Variants in FBN2 observed in about 807,000 individuals in gnomAD.
FBN2 encodes fibrillin 2.
In FBN2, 105 loss-of-function variants were observed where a neutral mutation model predicts 355.6. That is an observed-to-expected ratio of 0.30 (90% confidence interval 0.25 to 0.35). FBN2 has a LOEUF of 0.35. FBN2 is among the 10% of genes least tolerant of loss of function. The probability of loss-of-function intolerance (pLI) is 1.00; values close to 1 mark genes in which losing one functional copy is unlikely to be tolerated. For missense variants in FBN2, 3,280 were observed against 3,758.7 expected, an observed-to-expected ratio of 0.87 and a Z score of 3.33; for synonymous variants, 1,350 against 1,301.2, an observed-to-expected ratio of 1.04 and a Z score of -0.81.
intron 5 of FBN2, among the ~76,000 whole-genome samples, chr5:128,505,021 T>C (rs1755917990): frequency 6.6e-6 from 1 of 152,206 alleles, no homozygotes; most frequent in African/African-American, 2.4e-5. Context: ...CTGATGGTTT[T>C]ACAAAGGGGT....
intron 23 of FBN2, among the ~76,000 whole-genome samples, chr5:128,348,411 A>C (rs1751245084): frequency 6.6e-6 from 1 of 152,040 alleles, no homozygotes; most frequent in African/African-American, 2.4e-5. Flanking sequence ...ATTTTGTATG[A>C]TTTTACAGTC....
chr5:128,334,176 T>A (rs1750770654), intron 31 of FBN2, among the ~76,000 whole-genome samples: 1 of 148,432 alleles, frequency 6.7e-6, no homozygotes, highest in South Asian at 2.2e-4. Flanking sequence ...AGAAGGAAAG[T>A]GAAGAGAGGA....
chr5:128,277,938 T>C lies in FBN2; in HGVS notation c.7413A>G (p.Ser2471=). 1.2e-6 allele frequency: 2 copies of C among 1,614,100 alleles called. No individual in the cohort carries two copies. The highest frequency in any genetic ancestry group is 2.2e-5 in the South Asian group (2 of 91,082). The change falls in exon 58 of 65, where the codon TCA becomes TCG. Residue 2471 remains serine (S), a synonymous_variant. Coordinates refer to ENST00000262464, the MANE Select transcript of FBN2 (RefSeq NM_001999.4). ...AGCCAACCTTGCAGAAGCATCGGAATGAGCCCATGGTATTGATGCACTGAC... is the reference window on the plus strand; with the variant it reads ...AGCCAACCTTGCAGAAGCATCGGAACGAGCCCATGGTATTGATGCACTGAC... ...TNGQCINTMG[S]FRCFCKVGYT...
Position 128,461,955 on chromosome 5 carries a change from G to A in FBN2, c.826+2769C>T, listed in dbSNP as rs184309613. ...ACCTACATATTCTGCACATGTATTC[G>A]TTTTTTTAATAAGAAATAAAGCAAA... On this transcript the variant is annotated intron_variant, in intron 6 of 64. Coordinates refer to ENST00000262464, the MANE Select transcript of FBN2 (RefSeq NM_001999.4). Among the ~76,000 whole-genome samples the A allele has an allele frequency of 1.5e-4, 23 of 152,052 alleles. No homozygotes were observed. The East Asian group carries it at 2.9e-3, about 19-fold the overall frequency.
chr5:128,537,082 G>A (rs1384900967), intron 1 of FBN2, among the ~76,000 whole-genome samples: 1 of 152,004 alleles, frequency 6.6e-6, no homozygotes, highest in Non-Finnish European at 1.5e-5. Context: ...CGCGAGCTCT[G>A]CACACGCTCT....
intron 18 of FBN2, among the ~76,000 whole-genome samples, chr5:128,362,821 A>T (rs1471457636): frequency 6.6e-6 from 1 of 152,184 alleles, no homozygotes; most frequent in Non-Finnish European, 1.5e-5. Flanking sequence ...TGACAAAAAG[A>T]AATAAACCCT....
At chr5:128,272,193 T>C (rs1276496818) in intron 61 of FBN2, 75 bp from the exon 62 acceptor site, 1 of 1,529,420 alleles carries the variant, frequency 6.5e-7, no homozygotes, top group Non-Finnish European at 9.0e-7. Context: ...AAACGAAACC[T>C]GGGGTAACTG....
chr5:128,308,623 C>G (rs1447891563), intron 41 of FBN2, among the ~76,000 whole-genome samples: 2 of 151,998 alleles, frequency 1.3e-5, no homozygotes, highest in Non-Finnish European at 2.9e-5. Context: ...TTAAGACAAG[C>G]ATTTTTGCTC....
In FBN2 at chr5:128,302,875, G is replaced by T; in HGVS notation, c.5917+98C>A. The T allele has an allele frequency of 5.1e-6, 4 of 785,088 alleles. No individual in the cohort carries two copies. The South Asian group carries it at 5.8e-5, about 11-fold the overall frequency. The allele number at this position is 785,088 out of a possible 1,614,324, so 48.6% of individuals were successfully genotyped here. Reference sequence around the variant, plus strand: ...CTTTTGGCACATATTTGCAATTTTAGTAATATAATTTTTTTTTGTTCTTTA... The same window carrying T: ...CTTTTGGCACATATTTGCAATTTTATTAATATAATTTTTTTTTGTTCTTTA... On this transcript the variant is annotated intron_variant, in intron 46 of 64. Transcript: ENST00000262464.
chr5:128,439,666 C>A (rs1753865478), intron 7 of FBN2, among the ~76,000 whole-genome samples: 1 of 151,990 alleles, frequency 6.6e-6, no homozygotes, highest in South Asian at 2.1e-4. Flanking sequence ...ATGCTTTTCC[C>A]AGTTTAGCAT....
intron 18 of FBN2, among the ~76,000 whole-genome samples, chr5:128,362,265 G>A (rs905502702): frequency 3.3e-5 from 5 of 152,156 alleles, no homozygotes; most frequent in Non-Finnish European, 7.4e-5. Flanking sequence ...TAAAAAGAAT[G>A]CCTTATGTCT....
At chr5:128,429,273 T>C (rs901283343) in intron 7 of FBN2, among the ~76,000 whole-genome samples, 2 of 152,160 alleles carry the variant, frequency 1.3e-5, no homozygotes, top group Non-Finnish European at 2.9e-5. Flanking sequence ...GGGTGAGCGA[T>C]GGGCCACTAA....
intron 4 of FBN2, 75 bp from the exon 5 acceptor site, chr5:128,519,443 C>A: frequency 9.7e-7 from 1 of 1,034,834 alleles, no homozygotes; most frequent in Non-Finnish European, 1.5e-6. Flanking sequence ...GTGATGCTGC[C>A]AATAAAGGAT....
chr5:128,441,890 T>G (rs1307888391), intron 7 of FBN2: 1 of 152,398 alleles, frequency 6.6e-6, no homozygotes, highest in Non-Finnish European at 1.5e-5. Flanking sequence ...GCAATCCCCT[T>G]GCTTCACTCT....
rs1751435279 is a variant in FBN2 at position 128,353,939 on chromosome 5, C to T, written c.2675-2934G>A. 2.0e-5 allele frequency among the ~76,000 whole-genome samples: 3 copies of T among 152,136 alleles called. No individual in the cohort carries two copies. The South Asian group carries it at 6.2e-4, about 32-fold the overall frequency. On this transcript the variant is annotated intron_variant, in intron 20 of 64. Coordinates refer to ENST00000262464, the MANE Select transcript of FBN2 (RefSeq NM_001999.4). The stretch of plus-strand genomic sequence containing the variant: ...CAAATCCATTGATAGCACCCCGCAC[C>T]CCCCTACAGGCTCATCCTTCTCTCT...
Position 128,311,332 on chromosome 5 carries a change from T to G in FBN2, c.5042A>C (p.Tyr1681Ser). 6.2e-7 allele frequency: 1 copy of G among 1,614,142 alleles called. No individual in the cohort carries two copies. The highest frequency in any genetic ancestry group is 8.5e-7 in the Non-Finnish European group (1 of 1,180,008). Reference protein sequence around the residue: ...GSFQCECPQGYYLSEDTRICE... With the variant: ...GSFQCECPQGSYLSEDTRICE... ...GATGCGGGTATCCTCGCTGAGGTAG[T>G]AGCCTTGTGGGCACTCACACTGGAA... Residue 1681 changes from tyrosine (Y) to serine (S), a missense_variant, in exon 39 of 65, where the codon TAC (tyrosine) becomes TCC (serine). By Grantham distance (144) the Tyr-to-Ser change is moderately radical (BLOSUM62 -2). Around this residue, in one of 6 missense-constraint regions of FBN2, gnomAD observed 2,284 missense variants for 2,749.5 expected, o/e 0.83. Coordinates refer to ENST00000262464, the MANE Select transcript of FBN2 (RefSeq NM_001999.4).
chr5:128,389,259 A>G (rs1242421419), intron 11 of FBN2, among the ~76,000 whole-genome samples: 1 of 152,170 alleles, frequency 6.6e-6, no homozygotes, highest in African/African-American at 2.4e-5. Context: ...CAGCAGAGCA[A>G]TGGGGGAAGG....
chr5:128,426,301 A>G (rs1298149664), intron 7 of FBN2, among the ~76,000 whole-genome samples: 5 of 152,140 alleles, frequency 3.3e-5, no homozygotes, highest in Admixed American at 1.3e-4. Flanking sequence ...AGACTTCGAA[A>G]ACCTTCATAT....
chr5:128,382,140 C>G (rs1752249445), intron 11 of FBN2, among the ~76,000 whole-genome samples: 1 of 151,900 alleles, frequency 6.6e-6, no homozygotes, highest in African/African-American at 2.4e-5. Flanking sequence ...AAAATAACCT[C>G]AAAATGACTC....
Sources: gnomAD v4.1 joint callset for allele counts (sites outside exome capture counted in the v4.1 genomes callset) on GRCh38, gnomAD v4.1.1 for gene constraint, gnomAD v4.1.1 regional missense constraint, MANE v1.5 for transcripts, NCBI Gene and HGNC (gene_info 2026-07-23, HGNC 2026-07-21) for gene names.